Variants in STARD13 observed in about 807,000 individuals in gnomAD.
STARD13 encodes stAR-related lipid transfer protein 13.
A neutral mutation model predicts 106.4 loss-of-function variants in STARD13; 62 were observed. The ratio of observed to expected loss-of-function variants is 0.58; its 90% confidence interval spans 0.48 to 0.72. STARD13 has a LOEUF of 0.72. Ranked by LOEUF, STARD13 falls within the 30% of genes least tolerant of loss-of-function variation. The pLI, the probability that STARD13 is intolerant of heterozygous loss-of-function variation, is 0.00. For synonymous variants in STARD13, 565 were observed against 553.0 expected (o/e 1.02, Z -0.31); for missense variants, 1,387 against 1,424.0 (o/e 0.97, Z 0.42).
intron 8 of STARD13, among the ~76,000 whole-genome samples, chr13:33,116,942 T>C (rs1875456544): frequency 6.6e-6 from 1 of 152,242 alleles, no homozygotes; most frequent in Non-Finnish European, 1.5e-5. Flanking sequence ...ATTCTTCAAA[T>C]TGAATCAAGT....
chr13:33,478,647 G>A, the STARD13 span, among the ~76,000 whole-genome samples: 1 of 152,246 alleles, frequency 6.6e-6, no homozygotes, highest in East Asian at 1.9e-4. Context: ...TGGGCATGGT[G>A]GCTCATGCCT....
chr13:33,130,645 G>C lies in STARD13; in HGVS notation c.388-356C>G, dbSNP rs1878154057. Among the ~76,000 whole-genome samples the C allele has an allele frequency of 6.6e-6, 1 of 152,324 alleles. No homozygotes were observed. The highest frequency in any genetic ancestry group is 1.9e-4 in the East Asian group (1 of 5,182). Reference sequence around the variant, plus strand: ...ACGGTCTAAATATAAAGCACCTGCAGTCTTCTTTTTCACAAAGGAACTCAA... The same window carrying C: ...ACGGTCTAAATATAAAGCACCTGCACTCTTCTTTTTCACAAAGGAACTCAA... On this transcript the variant is annotated intron_variant, in intron 4 of 13. Transcript: ENST00000336934. This position sits in a 1 kb window ranked among gnomAD's most constrained non-coding sequence, Gnocchi z 4.1.
chr13:33,672,042 A>G, the STARD13 span, among the ~76,000 whole-genome samples: 4 of 152,244 alleles, frequency 2.6e-5, no homozygotes, highest in Non-Finnish European at 4.4e-5. Flanking sequence ...ATTATAAATC[A>G]TTCTACTATA....
At chr13:33,370,749 G>T in the STARD13 span, among the ~76,000 whole-genome samples, 2 of 151,422 alleles carry the variant, frequency 1.3e-5, no homozygotes, top group Admixed American at 6.6e-5. Flanking sequence ...CTCCCAAGTG[G>T]CTGGGATTAC....
intron 1 of STARD13, among the ~76,000 whole-genome samples, chr13:33,321,800 C>T (rs891525886): frequency 1.3e-5 from 2 of 152,182 alleles, no homozygotes; most frequent in Non-Finnish European, 2.9e-5. Flanking sequence ...TTCATCTCCT[C>T]TGAGAAGAGT....
the STARD13 span, among the ~76,000 whole-genome samples, chr13:33,384,488 C>T: frequency 5.3e-5 from 8 of 152,038 alleles, no homozygotes; most frequent in Non-Finnish European, 7.3e-5. Context: ...TTTTGAATCA[C>T]GTCATTTAAT....
At chr13:33,242,214 G>T (rs964076846) in intron 1 of STARD13, among the ~76,000 whole-genome samples, 1 of 152,172 alleles carries the variant, frequency 6.6e-6, no homozygotes, top group African/African-American at 2.4e-5. Context: ...GAGGTGGGGG[G>T]CAGCCCCCAC....
At chr13:33,247,220 TTAAATAAA>T (rs138495021) in intron 1 of STARD13, among the ~76,000 whole-genome samples, 2 of 150,206 alleles carry the variant, frequency 1.3e-5, no homozygotes, top group East Asian at 1.9e-4. Flanking sequence ...AATAAATAAA[TTAAATAAA>T]TAAATAAATA....
At chr13:33,365,614 A>C in the STARD13 span, among the ~76,000 whole-genome samples, 1 of 152,208 alleles carries the variant, frequency 6.6e-6, no homozygotes. Flanking sequence ...CCACGATTTC[A>C]TCAAAGGGCT....
intron 4 of STARD13, among the ~76,000 whole-genome samples, chr13:33,137,638 A>C (rs903612924): frequency 6.6e-6 from 1 of 152,222 alleles, no homozygotes; most frequent in Non-Finnish European, 1.5e-5. Context: ...CGTCATGTTG[A>C]GAAGCTTATA....
At chr13:33,106,129 G>C (rs1415289962) in intron 13 of STARD13, among the ~76,000 whole-genome samples, 1 of 152,212 alleles carries the variant, frequency 6.6e-6, no homozygotes, top group Non-Finnish European at 1.5e-5. Flanking sequence ...AGGCATAAAA[G>C]AAATACATGG....
At chr13:33,418,969 A>T in the STARD13 span, among the ~76,000 whole-genome samples, 1 of 152,214 alleles carries the variant, frequency 6.6e-6, no homozygotes, top group African/African-American at 2.4e-5. Flanking sequence ...GGTCACCAAT[A>T]TCAAAGACCA....
intron 1 of STARD13, among the ~76,000 whole-genome samples, chr13:33,200,335 G>T (rs185319911): frequency 2.0e-5 from 3 of 152,168 alleles, no homozygotes; most frequent in Non-Finnish European, 4.4e-5. Context: ...TCGTCCCTGT[G>T]CCACCCACCA....
At chr13:33,277,968 G>A (rs921687205) in intron 1 of STARD13, 6 of 152,124 alleles carry the variant, frequency 3.9e-5, no homozygotes, top group African/African-American at 1.4e-4. Context: ...TACTTGCAAT[G>A]TTCCTCTCCA....
At chr13:33,181,881 T>C (rs547944666) in intron 1 of STARD13, among the ~76,000 whole-genome samples, 15 of 151,718 alleles carry the variant, frequency 9.9e-5, no homozygotes, top group African/African-American at 3.6e-4. Flanking sequence ...AATGAGAGAT[T>C]TAGTCTTGGA....
At chr13:33,611,469 T>A in the STARD13 span, 4 of 152,246 alleles carry the variant, frequency 2.6e-5, no homozygotes, top group Non-Finnish European at 5.9e-5. Flanking sequence ...CGCCAGGCTT[T>A]CAAACCTCCT....
At position 33,157,834 on chromosome 13, in the gene STARD13, G is replaced by T. The variant is rs537124909; in HGVS notation, c.323+7503C>A. 2.6e-5 allele frequency among the ~76,000 whole-genome samples: 4 copies of T among 152,212 alleles called. No homozygotes were observed. The South Asian group carries it at 8.3e-4, about 32-fold the overall frequency. ...TGGTTTACTGCAATTTGTCCTAAAGGTTACAAACTCTGTAAACTATTTTAA... is the reference window on the plus strand; with the variant it reads ...TGGTTTACTGCAATTTGTCCTAAAGTTTACAAACTCTGTAAACTATTTTAA... On this transcript the variant is annotated intron_variant, in intron 3 of 13. Coordinates refer to ENST00000336934, the MANE Select transcript of STARD13 (RefSeq NM_178006.4).
chr13:33,515,764 C>T, the STARD13 span, among the ~76,000 whole-genome samples: 1 of 152,072 alleles, frequency 6.6e-6, no homozygotes, highest in South Asian at 2.1e-4. Flanking sequence ...TTGAGCAGTA[C>T]ATGTCCTCAC....
At chr13:33,645,694 G>A in the STARD13 span, among the ~76,000 whole-genome samples, 68 of 152,272 alleles carry the variant, frequency 4.5e-4, no homozygotes, top group Admixed American at 1.5e-3. Flanking sequence ...TGAACAGCAG[G>A]TGTTGGCCCT....
Sources: gnomAD v4.1 joint callset for allele counts (sites outside exome capture counted in the v4.1 genomes callset) on GRCh38, gnomAD v4.1.1 for gene constraint, Gnocchi (gnomAD v3.1) non-coding constraint, MANE v1.5 for transcripts, NCBI Gene and HGNC (gene_info 2026-07-23, HGNC 2026-07-21) for gene names.